BCL9: variants seen among roughly 807,000 people sequenced by gnomAD.
The protein encoded by BCL9 is BCL9 transcription coactivator, also known as B-cell CLL/lymphoma 9 protein.
Under a neutral mutation model 88.5 loss-of-function variants are expected in BCL9, and 25 were observed. That is an observed-to-expected ratio of 0.28 (90% CI 0.21 to 0.39). The LOEUF is 0.39. Among genes scored for constraint, BCL9 ranks in the 10% least tolerant of loss-of-function variants. BCL9 has a pLI of 1.00. For missense variants in BCL9, 1,817 were observed against 1,877.8 expected, an observed-to-expected ratio of 0.97 and a Z score of 0.60; for synonymous variants, 711 against 673.3, an observed-to-expected ratio of 1.06 and a Z score of -0.87.
chr1:147,557,886 A>G (rs191443746), intron 1 of BCL9, among the ~76,000 whole-genome samples: 1 of 152,320 alleles, frequency 6.6e-6, no homozygotes, highest in East Asian at 1.9e-4. Flanking sequence ...GAAGGATGAA[A>G]TTAACATTGT....
intron 1 of BCL9, among the ~76,000 whole-genome samples, chr1:147,578,874 T>G (rs12735265): frequency 2.6e-5 from 4 of 151,328 alleles, no homozygotes; most frequent in Non-Finnish European, 5.9e-5. Flanking sequence ...TCTTTTTTTT[T>G]CTTTTTTTTG....
intron 1 of BCL9, among the ~76,000 whole-genome samples, chr1:147,582,548 G>A (rs1050795210): frequency 2.6e-4 from 40 of 152,134 alleles, no homozygotes; most frequent in Admixed American, 1.9e-3. Flanking sequence ...ACTAGGACCC[G>A]AGGGCCGAAT....
intron 1 of BCL9, among the ~76,000 whole-genome samples, chr1:147,554,754 A>G (rs934165459): frequency 2.0e-5 from 3 of 152,182 alleles, no homozygotes; most frequent in African/African-American, 7.2e-5. Context: ...TAGTTTCTAC[A>G]TGGGTAAAAT....
At chr1:147,575,997 GT>G (rs1232301102) in intron 1 of BCL9, among the ~76,000 whole-genome samples, 95 of 150,836 alleles carry the variant, frequency 6.3e-4, no homozygotes, top group Middle Eastern at 3.4e-3. Context: ...AAAATTCTCA[GT>G]TTTTTTTTCA....
At chr1:147,609,926 G>A (rs1469892612) in intron 3 of BCL9, among the ~76,000 whole-genome samples, 3 of 152,166 alleles carry the variant, frequency 2.0e-5, no homozygotes, top group African/African-American at 7.2e-5. Flanking sequence ...TATTCAGTAC[G>A]ACATGTGATT....
At chr1:147,543,964 T>C (rs1654442814) in intron 1 of BCL9, among the ~76,000 whole-genome samples, 3 of 152,228 alleles carry the variant, frequency 2.0e-5, no homozygotes, top group Admixed American at 2.0e-4. Flanking sequence ...CATCAAATGG[T>C]ACAAATATGC....
chr1:147,614,345 G>T, intron 5 of BCL9, 82 bp from the exon 6 acceptor site: 2 of 1,361,432 alleles, frequency 1.5e-6, no homozygotes. Context: ...TTCTCAAGGT[G>T]GGTTTGTGTT....
chr1:147,618,683 G>C, intron 7 of BCL9, 133 bp from the exon 8 acceptor site: 3 of 876,334 alleles, frequency 3.4e-6, no homozygotes, highest in Non-Finnish European at 4.8e-6. Flanking sequence ...AGGGTTGTAC[G>C]TGAGCAATTT....
rs1553204639 is a variant in BCL9, at chr1:147,619,527, G to A, written c.1372G>A (p.Gly458Arg). The A allele has an allele frequency of 2.5e-6, 4 of 1,614,106 alleles. No homozygotes were observed. The East Asian group carries it at 8.9e-5, about 36-fold the overall frequency. ...PSMNSQSGTI[G>R]PDHLDHMTPE... ...TATGAACTCCCAGTCTGGGACCATA[G>A]GACCCGACCACCTTGACCATATGAC... The change falls in exon 8 of 10, where the codon GGA (glycine) becomes AGA (arginine). Residue 458 changes from glycine (G) to arginine (R), a missense_variant. Transcript: ENST00000234739. This position sits in a 1 kb window ranked among gnomAD's most constrained non-coding sequence, Gnocchi z 4.1.
At chr1:147,566,014 A>G (rs1233054184) in intron 1 of BCL9, among the ~76,000 whole-genome samples, 1 of 152,086 alleles carries the variant, frequency 6.6e-6, no homozygotes, top group South Asian at 2.1e-4. Context: ...TTATTTTCCC[A>G]TTGATTAATC....
At chr1:147,598,137 T>C (rs1291647174) in intron 1 of BCL9, among the ~76,000 whole-genome samples, 1 of 152,230 alleles carries the variant, frequency 6.6e-6, no homozygotes, top group African/African-American at 2.4e-5. Context: ...TTGGTTGTCT[T>C]TTCTAATACC....
chr1:147,625,227 T>G lies in BCL9; in HGVS notation c.*268T>G. ...GGGTATCAATGATGGCACCTACTTT[T>G]GGGAATCTGTAGCTGTGCTTTGAGA... On this transcript the variant is annotated 3_prime_UTR_variant, in exon 10 of 10. Coordinates refer to ENST00000234739, the MANE Select transcript of BCL9 (RefSeq NM_004326.4). The G allele has an allele frequency of 2.4e-6, 1 of 415,430 alleles. No individual in the cohort carries two copies. The highest frequency in any genetic ancestry group is 4.3e-6 in the Non-Finnish European group (1 of 231,408). 25.7% of individuals were successfully genotyped at this position (415,430 alleles called of 1,614,324 possible).
At chr1:147,556,284 A>AT (rs113247802) in intron 1 of BCL9, among the ~76,000 whole-genome samples, 139,489 of 143,202 alleles carry the variant, frequency 0.97, 67,947 homozygotes, top group Middle Eastern at 1. Context: ...ACTCCTGACT[A>AT]TTTTTTTTTT....
intron 1 of BCL9, among the ~76,000 whole-genome samples, chr1:147,550,117 C>CT (rs5777643): frequency 0.017 from 2,663 of 152,256 alleles, 31 homozygotes; most frequent in East Asian, 0.056. Context: ...CCCAACTCAT[C>CT]TTTTCACTGC....
At chr1:147,573,227 G>C (rs761029906) in intron 1 of BCL9, among the ~76,000 whole-genome samples, 5 of 152,172 alleles carry the variant, frequency 3.3e-5, no homozygotes, top group Non-Finnish European at 7.3e-5. Context: ...CATGTGGGTG[G>C]ATCATCTGAG....
chr1:147,619,352 G>T lies in BCL9; in HGVS notation c.1197G>T (p.Gln399His). The T allele has an allele frequency of 6.2e-7, 1 of 1,613,996 alleles. No homozygotes were observed. The highest frequency in any genetic ancestry group is 8.5e-7 in the Non-Finnish European group (1 of 1,180,004). The change falls in exon 8 of 10, where the codon CAG (glutamine) becomes CAT (histidine). Residue 399 changes from glutamine to histidine, a missense_variant. Around this residue, in one of 2 missense-constraint regions of BCL9, gnomAD observed 1,228 missense variants for 1,191.6 expected, o/e 1.03. Coordinates refer to ENST00000234739, the MANE Select transcript of BCL9 (RefSeq NM_004326.4). This position sits in a 1 kb window ranked among gnomAD's most constrained non-coding sequence, Gnocchi z 4.1. ...QQNPGVLDGP[Q>H]KKPEGPIQAM... ...ATCCTGGGGTATTAGATGGGCCTCA[G>T]AAAAAACCAGAAGGGCCAATACAGG...
chr1:147,620,559 G>C lies in BCL9; in HGVS notation c.2404G>C (p.Glu802Gln). Residue 802 changes from glutamate to glutamine, a missense_variant, in exon 8 of 10, where the codon GAA becomes CAA. Glu to Gln is a conservative substitution (Grantham distance 29, BLOSUM62 2). Around this residue, in one of 2 missense-constraint regions of BCL9, gnomAD observed 1,228 missense variants for 1,191.6 expected, o/e 1.03. Transcript: ENST00000234739. ...CAACAGTGGCTTGCGGAATCTCAGAGAACCAATTGGGCCCGACCAGAGGAC... is the reference window on the plus strand; with the variant it reads ...CAACAGTGGCTTGCGGAATCTCAGACAACCAATTGGGCCCGACCAGAGGAC... ...GSNSGLRNLR[E>Q]PIGPDQRTNS... is the part of the protein sequence containing the mutation. The C allele has an allele frequency of 1.9e-6, 3 of 1,613,750 alleles. 1 individual carries two copies. Among genetic ancestry groups the C allele is most frequent in the Non-Finnish European group, 2.5e-6 (3 of 1,179,920 alleles).
intron 1 of BCL9, among the ~76,000 whole-genome samples, chr1:147,585,305 T>C (rs1371817855): frequency 6.6e-6 from 1 of 152,180 alleles, no homozygotes; most frequent in Non-Finnish European, 1.5e-5. Context: ...CTTTTCCATG[T>C]AGGTTGCACA....
At chr1:147,545,818 G>A (rs1053183383) in intron 1 of BCL9, among the ~76,000 whole-genome samples, 2 of 152,084 alleles carry the variant, frequency 1.3e-5, no homozygotes, top group African/African-American at 4.8e-5. Flanking sequence ...TATCTGCTTA[G>A]TCCTCTATTA....
Sources: allele counts gnomAD v4.1 joint callset (sites outside exome capture counted in the v4.1 genomes callset), GRCh38; gene constraint gnomAD v4.1.1; regional missense constraint gnomAD v4.1.1; non-coding constraint Gnocchi (gnomAD v3.1); transcripts MANE v1.5; gene names NCBI Gene and HGNC (gene_info 2026-07-23, HGNC 2026-07-21).